PARP16: variants seen among roughly 807,000 people sequenced by gnomAD.
PARP16 encodes the protein protein mono-ADP-ribosyltransferase PARP16.
Under a neutral mutation model 35.0 loss-of-function variants are expected in PARP16, and 31 were observed. That is an observed-to-expected ratio of 0.88 (90% CI 0.66 to 1.19). The LOEUF is 1.19. PARP16 is among the 50% of genes most tolerant of loss of function. The pLI, the probability that PARP16 is intolerant of heterozygous loss-of-function variation, is 0.00. For synonymous variants in PARP16, 162 were observed against 169.5 expected, an observed-to-expected ratio of 0.96 and a Z score of 0.34; for missense variants, 424 against 411.2, an observed-to-expected ratio of 1.03 and a Z score of -0.27.
chr15:65,247,170 T>C (rs978332985), intron 3 of PARP16, among the ~76,000 whole-genome samples: 2 of 152,110 alleles, frequency 1.3e-5, no homozygotes, highest in Non-Finnish European at 2.9e-5. Context: ...TTTTAAAAAT[T>C]TGTTGTAGAG....
At chr15:65,265,078 T>C (rs999128777) in intron 3 of PARP16, among the ~76,000 whole-genome samples, 2 of 152,192 alleles carry the variant, frequency 1.3e-5, no homozygotes, top group African/African-American at 4.8e-5. Context: ...CCGTCATCCT[T>C]AGCAAAACCC....
Position 65,259,460 on chromosome 15 carries a change from T to C in PARP16, c.916A>G (p.Ser306Gly). 6.2e-7 allele frequency: 1 copy of C among 1,613,872 alleles called. No homozygotes were observed. The highest frequency in any genetic ancestry group is 1.7e-5 in the Admixed American group (1 of 60,010). Residue 306 changes from serine (S) to glycine (G), a missense_variant, in exon 6 of 6, where the codon AGT (serine) becomes GGT (glycine). Transcript: ENST00000649807. Reference sequence around the variant, plus strand: ...TGGAAAGCAGAGGAGTTGATGACACTCACTATGAGCAGCAGCAGCAGATAC... The same window carrying C: ...TGGAAAGCAGAGGAGTTGATGACACCCACTATGAGCAGCAGCAGCAGATAC... Reference protein sequence around the residue: ...SLYLLLLLIVSVINSSAFQHF... With the variant: ...SLYLLLLLIVGVINSSAFQHF...
At chr15:65,247,080 T>A (rs2140756607) in intron 3 of PARP16, among the ~76,000 whole-genome samples, 1 of 152,062 alleles carries the variant, frequency 6.6e-6, no homozygotes, top group South Asian at 2.1e-4. Flanking sequence ...AGCCTCGACC[T>A]CCTGGGCTCA....
intron 4 of PARP16, among the ~76,000 whole-genome samples, chr15:65,262,721 T>C (rs763013448): frequency 6.6e-6 from 1 of 152,134 alleles, no homozygotes; most frequent in Non-Finnish European, 1.5e-5. Flanking sequence ...ATCAAGTACA[T>C]ACCAAGGCTT....
intron 3 of PARP16, among the ~76,000 whole-genome samples, chr15:65,245,359 G>A (rs893018012): frequency 7.2e-5 from 11 of 152,228 alleles, no homozygotes; most frequent in Admixed American, 3.9e-4. Flanking sequence ...CTCTGCAGGG[G>A]CAGAACATGA....
At chr15:65,259,589 A>T (rs570655426) in intron 5 of PARP16, 47 bp from the exon 6 acceptor site, 3 of 1,587,448 alleles carry the variant, frequency 1.9e-6, no homozygotes, top group African/African-American at 1.4e-5. Context: ...AGAGAAAAAC[A>T]TTTTTTTTAA....
chr15:65,281,709 CAGAG>C (rs1352002554), intron 1 of PARP16, among the ~76,000 whole-genome samples: 1 of 145,150 alleles, frequency 6.9e-6, no homozygotes, highest in Non-Finnish European at 1.5e-5. Flanking sequence ...AAAAAAAAAT[CAGAG>C]AGCTTATCAG....
downstream of PARP16, among the ~76,000 whole-genome samples, chr15:65,233,868 T>C (rs2088816118): frequency 6.6e-6 from 1 of 152,242 alleles, no homozygotes; most frequent in African/African-American, 2.4e-5. Flanking sequence ...GTGACTTTTT[T>C]GGCCTGAGTA....
chr15:65,233,214 C>T (rs142673695), downstream of PARP16, among the ~76,000 whole-genome samples: 275 of 152,096 alleles, frequency 1.8e-3, no homozygotes, highest in African/African-American at 5.8e-3. Context: ...GAGATTGAGA[C>T]CATCCTGGCT....
intron 1 of PARP16, among the ~76,000 whole-genome samples, chr15:65,281,300 G>A (rs983968325): frequency 2.6e-5 from 4 of 152,178 alleles, no homozygotes; most frequent in African/African-American, 9.7e-5. Flanking sequence ...GAAATCCTGA[G>A]CCTGGGTATT....
Position 65,266,587 on chromosome 15 carries a change from T to C in PARP16, c.494A>G (p.Asn165Ser), listed in dbSNP as rs142248326. The change falls in exon 3 of 6, where the codon AAT becomes AGT. Residue 165 changes from asparagine to serine, a missense_variant. Physicochemically the swap from Asn to Ser is conservative, Grantham distance 46 (BLOSUM62 1). Coordinates refer to ENST00000649807, the MANE Select transcript of PARP16 (RefSeq NM_001316943.2). ...CTTGTTCAGATGGCAGTGCAGGCCA[T>C]TGTGGATAATGGAATGGAAGTTTTC... is the stretch of plus-strand genomic sequence containing the variant. ...RLENFHSIIH[N>S]GLHCHLNKTS... 29 of 1,613,624 alleles carry C rather than the reference T, an allele frequency of 1.8e-5. No individual in the cohort carries two copies. The highest frequency in any genetic ancestry group is 1.5e-4 in the African/African-American group (11 of 74,888).
At chr15:65,246,683 T>C (rs555559938) in intron 3 of PARP16, among the ~76,000 whole-genome samples, 138 of 152,234 alleles carry the variant, frequency 9.1e-4, no homozygotes, top group African/African-American at 3.2e-3. Context: ...ATAGTACTTA[T>C]CTGTACACAA....
chr15:65,239,452 A>AAAAGAG (rs34910178), intron 3 of PARP16, among the ~76,000 whole-genome samples: 6 of 113,034 alleles, frequency 5.3e-5, no homozygotes, highest in Admixed American at 9.3e-5. Flanking sequence ...AAAAAAAAAA[A>AAAAGAG]AGAGAGAAAA....
chr15:65,273,483 C>T (rs2090155269), intron 1 of PARP16, among the ~76,000 whole-genome samples: 1 of 151,618 alleles, frequency 6.6e-6, no homozygotes, highest in African/African-American at 2.4e-5. Context: ...TAGGGAAACA[C>T]AGTGAGATGG....
intron 1 of PARP16, among the ~76,000 whole-genome samples, chr15:65,277,603 C>A (rs937213263): frequency 2.0e-5 from 3 of 152,252 alleles, no homozygotes; most frequent in African/African-American, 7.2e-5. Context: ...TGCTCAGCAC[C>A]TTGCCTAGGG....
chr15:65,230,975 G>A (rs865876574), downstream of PARP16, among the ~76,000 whole-genome samples: 2 of 134,340 alleles, frequency 1.5e-5, no homozygotes, highest in Non-Finnish European at 3.1e-5. Context: ...TGCAACCTCC[G>A]CCTCCCAGGG....
At chr15:65,255,743 G>GAAAAAAA (rs56665485), downstream of PARP16, among the ~76,000 whole-genome samples, 2 of 57,156 alleles carry the variant, frequency 3.5e-5, no homozygotes, top group Non-Finnish European at 6.2e-5. Flanking sequence ...AGAAAACTCA[G>GAAAAAAA]AAAAAAAAAA....
At chr15:65,271,550 C>G (rs1247857284) in intron 1 of PARP16, among the ~76,000 whole-genome samples, 1 of 152,118 alleles carries the variant, frequency 6.6e-6, no homozygotes, top group Non-Finnish European at 1.5e-5. Flanking sequence ...GCTGGGATTA[C>G]AGGCGTGAAC....
At chr15:65,267,936 C>T (rs945305506) in intron 2 of PARP16, among the ~76,000 whole-genome samples, 3 of 151,876 alleles carry the variant, frequency 2.0e-5, no homozygotes, top group Admixed American at 1.3e-4. Context: ...CGTGATCCAC[C>T]CGCCTCAGCC....
Sources: gnomAD v4.1 joint callset for allele counts (sites outside exome capture counted in the v4.1 genomes callset) on GRCh38, gnomAD v4.1.1 for gene constraint, MANE v1.5 for transcripts, NCBI Gene and HGNC (gene_info 2026-07-23, HGNC 2026-07-21) for gene names.